Variants in RNF150 observed in about 807,000 individuals in gnomAD.
The protein encoded by RNF150 is ring finger protein 150.
In RNF150, 24 loss-of-function variants were observed where a neutral mutation model predicts 39.3. That is an observed-to-expected ratio of 0.61 (90% confidence interval 0.44 to 0.86). The LOEUF (loss-of-function observed/expected upper bound fraction) is 0.86, where lower values mean the gene tolerates loss of function less well. Among genes scored for constraint, RNF150 ranks in the 40% least tolerant of loss-of-function variants. RNF150 has a pLI of 0.00. For missense variants in RNF150, 502 were observed against 587.8 expected, an observed-to-expected ratio of 0.85 and a Z score of 1.51; for synonymous variants, 255 against 227.3, an observed-to-expected ratio of 1.12 and a Z score of -1.10.
intron 6 of RNF150, among the ~76,000 whole-genome samples, chr4:140,888,586 T>A (rs979844097): frequency 6.6e-6 from 1 of 152,156 alleles, no homozygotes; most frequent in Non-Finnish European, 1.5e-5. Flanking sequence ...GAGATACAAA[T>A]GAGGTAAGCT....
chr4:141,080,591 T>C (rs59849151), intron 1 of RNF150, among the ~76,000 whole-genome samples: 17,113 of 152,278 alleles, frequency 0.11, 1,186 homozygotes, highest in East Asian at 0.23. Context: ...TCCATTCCTG[T>C]GAAAAATCAA....
chr4:140,865,892 T>A lies in RNF150; in HGVS notation c.*2369A>T, dbSNP rs1728688869. ...ATTTCTGTTGCTATTGAATTATCCT[T>A]CTAATTCCACTGGACTAAACTTAAT... On this transcript the variant is annotated 3_prime_UTR_variant, in exon 7 of 7. Coordinates refer to ENST00000515673, the MANE Select transcript of RNF150 (RefSeq NM_020724.2). 6.6e-6 allele frequency: 1 copy of A among 152,260 alleles called. No individual in the cohort carries two copies. 9.4% of individuals were successfully genotyped at this position (152,260 alleles called of 1,614,324 possible).
chr4:140,910,525 A>AAAAT (rs1730553004), intron 6 of RNF150, among the ~76,000 whole-genome samples: 1 of 152,076 alleles, frequency 6.6e-6, no homozygotes, highest in Non-Finnish European at 1.5e-5. Flanking sequence ...GAGATGGGGG[A>AAAAT]AAATACCCAG....
chr4:141,081,301 C>T (rs1469683536), intron 1 of RNF150, among the ~76,000 whole-genome samples: 1 of 152,218 alleles, frequency 6.6e-6, no homozygotes, highest in Non-Finnish European at 1.5e-5. Flanking sequence ...TTAACTTCAT[C>T]TGCCAAGCAA....
chr4:141,082,799 G>A (rs1166450331), intron 1 of RNF150, among the ~76,000 whole-genome samples: 1 of 151,724 alleles, frequency 6.6e-6, no homozygotes, highest in Non-Finnish European at 1.5e-5. Context: ...CGTTTTAGCC[G>A]GGATGGTCTC....
chr4:140,863,374 A>G lies in RNF150; in HGVS notation c.*4887T>C, dbSNP rs538410543. 6.6e-6 allele frequency: 1 copy of G among 152,328 alleles called. No individual in the cohort carries two copies. Among genetic ancestry groups the G allele is most frequent in the Admixed American group, 6.5e-5 (1 of 15,300 alleles). The allele number at this position is 152,328 out of a possible 1,614,324, so 9.4% of individuals were successfully genotyped here. ...TTGCGATACAACTGGTGATGTGAGA[A>G]GTGAAAATGAAACTGACTCCTTTAG... On this transcript the variant is annotated 3_prime_UTR_variant, in exon 7 of 7. Transcript: ENST00000515673.
chr4:140,874,475 C>T (rs1729069291), intron 6 of RNF150, among the ~76,000 whole-genome samples: 1 of 152,188 alleles, frequency 6.6e-6, no homozygotes, highest in South Asian at 2.1e-4. Flanking sequence ...ATTGTAGTTG[C>T]TTTCTGGCCA....
intron 1 of RNF150, among the ~76,000 whole-genome samples, chr4:141,057,388 G>A (rs1737023261): frequency 6.6e-6 from 1 of 151,726 alleles, no homozygotes; most frequent in African/African-American, 2.4e-5. Context: ...CAGCAAAAAG[G>A]TTCATGGTGT....
intron 3 of RNF150, 137 bp from the exon 4 acceptor site, chr4:140,947,873 C>A (rs1732384989): frequency 3.6e-6 from 2 of 560,568 alleles, no homozygotes; most frequent in East Asian, 6.8e-5. Flanking sequence ...ATCAAATGTA[C>A]CATCAATTGG....
At chr4:141,174,253 TG>T (rs1727773223) in intron 1 of RNF150, among the ~76,000 whole-genome samples, 1 of 152,184 alleles carries the variant, frequency 6.6e-6, no homozygotes, top group Non-Finnish European at 1.5e-5. Context: ...ACAGCTAGTT[TG>T]TACTGTTTGA....
At chr4:141,202,162 G>T (rs1728301513) in intron 1 of RNF150, among the ~76,000 whole-genome samples, 1 of 152,108 alleles carries the variant, frequency 6.6e-6, no homozygotes, top group African/African-American at 2.4e-5. Context: ...ACAAATGGAG[G>T]ATGACACTCC....
intron 1 of RNF150, among the ~76,000 whole-genome samples, chr4:141,045,701 G>A (rs1736550202): frequency 1.3e-5 from 2 of 151,858 alleles, no homozygotes; most frequent in South Asian, 2.1e-4. Flanking sequence ...CCACCACCAT[G>A]TCCAGCTAAT....
intron 1 of RNF150, among the ~76,000 whole-genome samples, chr4:141,071,229 TG>T (rs1472724686): frequency 9.6e-6 from 1 of 103,846 alleles, no homozygotes; most frequent in African/African-American, 3.9e-5. Context: ...CTGGGGACTG[TG>T]GTGGGGTGGG....
At chr4:141,175,205 G>A (rs373526177) in intron 1 of RNF150, among the ~76,000 whole-genome samples, 49 of 152,320 alleles carry the variant, frequency 3.2e-4, no homozygotes, top group African/African-American at 1.1e-3. Flanking sequence ...ACATTAAGCC[G>A]ATTCGCTGTG....
chr4:140,882,772 T>A (rs1275773656), intron 6 of RNF150, among the ~76,000 whole-genome samples: 2 of 145,602 alleles, frequency 1.4e-5, no homozygotes, highest in African/African-American at 4.9e-5. Flanking sequence ...GGAACATCTT[T>A]TTTCATCTTT....
chr4:140,895,331 C>A (rs1197364474), intron 6 of RNF150, among the ~76,000 whole-genome samples: 4 of 152,058 alleles, frequency 2.6e-5, no homozygotes, highest in Non-Finnish European at 4.4e-5. Context: ...ACTGAGACAG[C>A]CCTGGAAGTA....
chr4:140,949,451 G>A, intron 2 of RNF150, 79 bp from the exon 3 acceptor site: 1 of 1,201,278 alleles, frequency 8.3e-7, no homozygotes, highest in Non-Finnish European at 1.2e-6. Flanking sequence ...TAATACACCA[G>A]GGCAGCTAGC....
chr4:140,944,849 G>C (rs1344937445), intron 4 of RNF150: 2 of 152,070 alleles, frequency 1.3e-5, no homozygotes, highest in Non-Finnish European at 2.9e-5. Flanking sequence ...AAGTTCATAG[G>C]AGCAAAGGCT....
At chr4:141,124,043 A>C (rs533439460) in intron 1 of RNF150, among the ~76,000 whole-genome samples, 1 of 152,254 alleles carries the variant, frequency 6.6e-6, no homozygotes, top group Non-Finnish European at 1.5e-5. Context: ...GGACCAAATT[A>C]CCCTTCAGCT....
Sources: gnomAD v4.1 joint callset for allele counts (sites outside exome capture counted in the v4.1 genomes callset) on GRCh38, gnomAD v4.1.1 for gene constraint, MANE v1.5 for transcripts, NCBI Gene and HGNC (gene_info 2026-07-23, HGNC 2026-07-21) for gene names.